PDE4D: variants seen among roughly 807,000 people sequenced by gnomAD.
PDE4D encodes the protein phosphodiesterase 4D.
In PDE4D, 24 loss-of-function variants were observed where a neutral mutation model predicts 87.4. The observed-to-expected ratio is 0.27, with a 90% CI of 0.20 to 0.39. The LOEUF is 0.39. PDE4D is among the 10% of genes least tolerant of loss of function. The pLI is 1.00. For missense variants in PDE4D, 714 were observed against 1,041.0 expected (o/e 0.69, Z 4.32); for synonymous variants, 384 against 383.2 (o/e 1.00, Z -0.02).
chr5:59,819,471 G>T (rs1001804107), intron 1 of PDE4D, among the ~76,000 whole-genome samples: 8 of 151,928 alleles, frequency 5.3e-5, no homozygotes, highest in Non-Finnish European at 1.2e-4. Context: ...ACACACCACA[G>T]CATTGCCCAT....
Position 59,574,829 on chromosome 5 carries a change from T to C in PDE4D, c.455+318339A>G, listed in dbSNP as rs560023650. 2.1e-4 allele frequency among the ~76,000 whole-genome samples: 32 copies of C among 152,152 alleles called. 1 individual carries two copies. Among genetic ancestry groups the C allele is most frequent in the Admixed American group, 1.4e-3 (22 of 15,264 alleles). On this transcript the variant is annotated intron_variant, in intron 1 of 14. Transcript: ENST00000340635. ...CTGAGAACTATGGCTTTTTAAAACA[T>C]TGAAGTTAATTTTTCAGGATGTTCT... is the stretch of plus-strand genomic sequence containing the variant.
intron 5 of PDE4D, among the ~76,000 whole-genome samples, chr5:59,110,646 T>TG (rs772648085): frequency 6.6e-6 from 1 of 152,140 alleles, no homozygotes; most frequent in Non-Finnish European, 1.5e-5. Context: ...CTGAAGCAGG[T>TG]GGATCACTTG....
chr5:60,092,071 A>G (rs990969149), intron 2 of PDE4D, among the ~76,000 whole-genome samples: 38 of 145,118 alleles, frequency 2.6e-4, no homozygotes, highest in South Asian at 6.8e-4. Flanking sequence ...AAAAAAAAAA[A>G]AAAAAAAGAA....
chr5:60,395,034 C>T (rs1282651382), intron 1 of PDE4D, among the ~76,000 whole-genome samples: 1 of 152,168 alleles, frequency 6.6e-6, no homozygotes, highest in Middle Eastern at 3.2e-3. Flanking sequence ...TAAAGTGACC[C>T]ACCCGAGCCT....
At chr5:59,282,682 G>A (rs1220103361) in intron 1 of PDE4D, among the ~76,000 whole-genome samples, 1 of 145,234 alleles carries the variant, frequency 6.9e-6, no homozygotes, top group African/African-American at 2.5e-5. Flanking sequence ...GTGAAAAGCA[G>A]CCTGTCAAAA....
intron 2 of PDE4D, among the ~76,000 whole-genome samples, chr5:59,211,797 A>G (rs1041265512): frequency 6.6e-6 from 1 of 152,016 alleles, no homozygotes; most frequent in South Asian, 2.1e-4. Flanking sequence ...TTCTTCAGCT[A>G]TTTCATTGGT....
intron 3 of PDE4D, among the ~76,000 whole-genome samples, chr5:59,926,204 A>G (rs1219515946): frequency 6.6e-6 from 1 of 152,198 alleles, no homozygotes; most frequent in Non-Finnish European, 1.5e-5. Flanking sequence ...GAAATCAATA[A>G]GAGGAATTTT....
At chr5:60,431,161 G>A (rs564524476) in intron 1 of PDE4D, 11 of 200,814 alleles carry the variant, frequency 5.5e-5, no homozygotes, top group East Asian at 3.6e-4. Context: ...GTGGCTGGCC[G>A]GGCGGGGGGC....
chr5:60,287,740 T>C (rs1486763925), intron 1 of PDE4D, among the ~76,000 whole-genome samples: 1 of 152,218 alleles, frequency 6.6e-6, no homozygotes, highest in Non-Finnish European at 1.5e-5. Flanking sequence ...CTGGACTCTT[T>C]AGTTTATATC....
intron 1 of PDE4D, among the ~76,000 whole-genome samples, chr5:59,762,426 GTGTATATGTGTATATGGGTACACATA>G: frequency 8.3e-6 from 1 of 120,582 alleles, no homozygotes; most frequent in African/African-American, 3.7e-5. Flanking sequence ...GGGTACACAT[GTGTATATGTGTATATGGGTACACATA>G]TGTGTATATG....
At chr5:59,419,610 G>A (rs985546925) in intron 1 of PDE4D, among the ~76,000 whole-genome samples, 1 of 152,188 alleles carries the variant, frequency 6.6e-6, no homozygotes, top group Non-Finnish European at 1.5e-5. Flanking sequence ...AGGTAGCTGA[G>A]CTGGATGACA....
intron 2 of PDE4D, among the ~76,000 whole-genome samples, chr5:59,998,760 G>C (rs1458097105): frequency 6.6e-6 from 1 of 151,604 alleles, no homozygotes; most frequent in African/African-American, 2.4e-5. Flanking sequence ...CCAAAAGTGT[G>C]GTACCTTCAA....
At chr5:60,373,155 C>T (rs868361558) in intron 1 of PDE4D, among the ~76,000 whole-genome samples, 2 of 152,196 alleles carry the variant, frequency 1.3e-5, no homozygotes, top group Non-Finnish European at 2.9e-5. Flanking sequence ...GGGCCATACC[C>T]GTCCTGTGTT....
chr5:59,312,850 C>T (rs1485180433), intron 1 of PDE4D, among the ~76,000 whole-genome samples: 1 of 152,136 alleles, frequency 6.6e-6, no homozygotes, highest in Non-Finnish European at 1.5e-5. Context: ...CCCACCAGCC[C>T]CCTCCAGGGT....
chr5:59,800,816 T>G (rs1767042038), intron 1 of PDE4D, among the ~76,000 whole-genome samples: 1 of 152,166 alleles, frequency 6.6e-6, no homozygotes, highest in African/African-American at 2.4e-5. Context: ...TACGCAAATA[T>G]GTAAATTGTT....
At chr5:58,983,500 T>C (rs1745717748) in intron 11 of PDE4D, among the ~76,000 whole-genome samples, 1 of 152,214 alleles carries the variant, frequency 6.6e-6, no homozygotes, top group Non-Finnish European at 1.5e-5. Context: ...CATGGAAACT[T>C]GGTGGCCCAT....
intron 1 of PDE4D, among the ~76,000 whole-genome samples, chr5:60,217,555 G>A (rs1744003141): frequency 6.6e-6 from 1 of 151,768 alleles, no homozygotes; most frequent in Non-Finnish European, 1.5e-5. Flanking sequence ...ACAGAAAATA[G>A]TGATAAATTA....
chr5:59,998,874 C>T (rs528432117), intron 2 of PDE4D, among the ~76,000 whole-genome samples: 1 of 152,060 alleles, frequency 6.6e-6, no homozygotes, highest in African/African-American at 2.4e-5. Context: ...ACACTACTAG[C>T]TATTGGGAAG....
chr5:60,051,564 A>G (rs935398724), intron 2 of PDE4D, among the ~76,000 whole-genome samples: 3 of 152,246 alleles, frequency 2.0e-5, no homozygotes, highest in African/African-American at 7.2e-5. Context: ...TTATAGGACC[A>G]AATGCCCACA....
Sources: gnomAD v4.1 joint callset for allele counts (sites outside exome capture counted in the v4.1 genomes callset) on GRCh38, gnomAD v4.1.1 for gene constraint, MANE v1.5 for transcripts, NCBI Gene and HGNC (gene_info 2026-07-23, HGNC 2026-07-21) for gene names.